Variants in TRANK1 observed in about 807,000 individuals in gnomAD.
TRANK1 encodes the protein TPR and ankyrin repeat-containing protein 1.
In TRANK1, 198 loss-of-function variants were observed where a neutral mutation model predicts 266.0. The observed-to-expected ratio is 0.74, with a 90% CI of 0.66 to 0.84. The LOEUF is 0.84. Among genes scored for constraint, TRANK1 ranks in the 40% least tolerant of loss-of-function variants. The pLI, the probability that TRANK1 is intolerant of heterozygous loss-of-function variation, is 0.00. For synonymous variants in TRANK1, 1,396 were observed against 1,384.1 expected (o/e 1.01, Z -0.19); for missense variants, 3,326 against 3,634.6 (o/e 0.92, Z 2.18).
Position 36,944,074 on chromosome 3 carries a change from G to T in TRANK1, c.23+713C>A, listed in dbSNP as rs191971005. On this transcript the variant is annotated intron_variant, in intron 1 of 23. Coordinates refer to ENST00000645898, the MANE Select transcript of TRANK1 (RefSeq NM_001329998.2). ...CCGCGGGACGGAGACAGGGAGTTGGGAGGAAACGCAACGCGCCTCCCAGGC... is the reference window on the plus strand; with the variant it reads ...CCGCGGGACGGAGACAGGGAGTTGGTAGGAAACGCAACGCGCCTCCCAGGC... Among the ~76,000 whole-genome samples, 285 of 152,224 alleles carry T rather than the reference G, an allele frequency of 1.9e-3. 1 individual carries two copies. The highest frequency in any genetic ancestry group is 6.5e-3 in the African/African-American group (268 of 41,530).
intron 1 of TRANK1, among the ~76,000 whole-genome samples, chr3:36,920,776 A>G (rs1157916179): frequency 6.6e-6 from 1 of 152,170 alleles, no homozygotes; most frequent in Non-Finnish European, 1.5e-5. Flanking sequence ...GGGAGCCATC[A>G]ATTTGGGGAG....
At chr3:36,861,570 TGA>T (rs1409253399) in intron 10 of TRANK1, among the ~76,000 whole-genome samples, 1 of 152,164 alleles carries the variant, frequency 6.6e-6, no homozygotes, top group Non-Finnish European at 1.5e-5. Flanking sequence ...AAGGTAACCA[TGA>T]GAGGATGGCT....
rs112296743 is a variant in TRANK1 at position 36,908,151 on chromosome 3, T to C, written c.155+172A>G. ...TCTATGTTTCACTTTCTATTTCCCT[T>C]CTTACACAATCCCTGTTCACTTCTA... On this transcript the variant is annotated intron_variant, in intron 2 of 23. Coordinates refer to ENST00000645898, the MANE Select transcript of TRANK1 (RefSeq NM_001329998.2). Among the ~76,000 whole-genome samples, 1,334 of 152,338 alleles carry C rather than the reference T, an allele frequency of 8.8e-3. 20 individuals carry two copies. The highest frequency in any genetic ancestry group is 0.031 in the African/African-American group (1,286 of 41,580).
chr3:36,842,775 G>A (rs1474252366), intron 17 of TRANK1, 65 bp from the exon 18 acceptor site: 3 of 1,408,130 alleles, frequency 2.1e-6, no homozygotes, highest in Non-Finnish European at 2.0e-6. Flanking sequence ...CTGTTGTTAT[G>A]GGCTGAGTTG....
At chr3:36,900,140 C>T (rs1439576011) in intron 3 of TRANK1, among the ~76,000 whole-genome samples, 1 of 152,122 alleles carries the variant, frequency 6.6e-6, no homozygotes, top group Non-Finnish European at 1.5e-5. Flanking sequence ...ATTATGAAGC[C>T]GGGGTGCAGT....
At chr3:36,830,622 G>C (rs905635200) in intron 22 of TRANK1, among the ~76,000 whole-genome samples, 1 of 152,206 alleles carries the variant, frequency 6.6e-6, no homozygotes, top group Admixed American at 6.5e-5. Flanking sequence ...GAAGAGGCAT[G>C]CAAGTTTCTG....
chr3:36,843,117 C>G (rs574610226), intron 17 of TRANK1, among the ~76,000 whole-genome samples: 9 of 152,308 alleles, frequency 5.9e-5, no homozygotes, highest in African/African-American at 1.9e-4. Flanking sequence ...AAATACATCT[C>G]TGTTGTTTAG....
At chr3:36,890,182 A>C (rs2079668082) in intron 7 of TRANK1, among the ~76,000 whole-genome samples, 1 of 152,230 alleles carries the variant, frequency 6.6e-6, no homozygotes, top group Non-Finnish European at 1.5e-5. Context: ...AGGATGAGTT[A>C]TAGAAAGCTA....
At chr3:36,914,136 T>C (rs529304144) in intron 1 of TRANK1, among the ~76,000 whole-genome samples, 9 of 152,000 alleles carry the variant, frequency 5.9e-5, no homozygotes, top group African/African-American at 1.7e-4. Context: ...GTTTGTTTTG[T>C]TTTTGTTTTT....
intron 1 of TRANK1, among the ~76,000 whole-genome samples, chr3:36,944,551 G>A (rs1211378797): frequency 2.6e-5 from 4 of 152,134 alleles, no homozygotes; most frequent in African/African-American, 9.7e-5. Flanking sequence ...TCCTGTCGCA[G>A]CGCGTGCCCT....
At chr3:36,893,379 C>T (rs1236405289) in intron 5 of TRANK1, among the ~76,000 whole-genome samples, 3 of 152,138 alleles carry the variant, frequency 2.0e-5, no homozygotes, top group South Asian at 2.1e-4. Context: ...AATTATTCCT[C>T]ACATCAGCGT....
Position 36,889,839 on chromosome 3 carries a change from G to T in TRANK1, c.897C>A (p.Tyr299Ter). 2 of 1,536,198 alleles carry T rather than the reference G, an allele frequency of 1.3e-6. No individual in the cohort carries two copies. Among genetic ancestry groups the T allele is most frequent in the Non-Finnish European group, 1.7e-6 (2 of 1,146,518 alleles). The change falls in exon 8 of 24, where the codon TAC becomes TAA. Residue 299 changes from tyrosine (Y) to a stop codon, truncating the protein, a stop_gained. Coordinates refer to ENST00000645898, the MANE Select transcript of TRANK1 (RefSeq NM_001329998.2). LOFTEE classifies it high-confidence loss of function. The part of the protein sequence containing the change: ...LHVVAAHSPG[Y>*]LVKRQTEDVQ... The stretch of plus-strand genomic sequence containing the variant: ...AATGCCACTACTCACGCTTAACGAG[G>T]TATCCTGGGGAGTGGGCAGCGACGA...
In TRANK1 at chr3:36,838,411, C is replaced by A. The variant is rs763539292; in HGVS notation, c.5478G>T (p.Glu1826Asp). The change falls in exon 20 of 24, where the codon GAG (glutamate) becomes GAT (aspartate). Residue 1826 changes from glutamate (E) to aspartate (D), a missense_variant. Physicochemically the swap from Glu to Asp is conservative, Grantham distance 45. Transcript: ENST00000645898. ...CGCACAGCTGGGCAGAGAGCTGGAA[C>A]TCCTTGGCATAGCTCAGACACTTAA... ...LSLKCLSYAK[E>D]FQLSAQLCER... is the part of the protein sequence containing the mutation. 6.2e-7 allele frequency: 1 copy of A among 1,614,074 alleles called. No homozygotes were observed. Among genetic ancestry groups the A allele is most frequent in the Non-Finnish European group, 8.5e-7 (1 of 1,179,908 alleles).
At chr3:36,923,456 A>G (rs112326061) in intron 1 of TRANK1, among the ~76,000 whole-genome samples, 1,933 of 152,080 alleles carry the variant, frequency 0.013, 37 homozygotes, top group African/African-American at 0.044. Flanking sequence ...GGGTTTCACC[A>G]TGTTGCCCAG....
chr3:36,889,790 C>T (rs749041087), intron 8 of TRANK1, 39 bp downstream of exon 8: 17 of 1,500,732 alleles, frequency 1.1e-5, no homozygotes, highest in Non-Finnish European at 8.9e-7. Context: ...CTGACACCAG[C>T]CAGCCACAGC....
Position 36,856,750 on chromosome 3 carries a change from C to T in TRANK1, c.2972G>A (p.Arg991His), listed in dbSNP as rs201862568. Residue 991 changes from arginine (R) to histidine (H), a missense_variant, in exon 13 of 24, where the codon CGT (arginine) becomes CAT (histidine). Transcript: ENST00000645898. ...GTCCTCCACATAGCAGCGAGGTATA[C>T]GCTTTTGAATTTTCATGTTAGCTGA... ...QVSANMKIQK[R>H]IPRCYVEDTE... 66 of 1,613,868 alleles carry T rather than the reference C, an allele frequency of 4.1e-5. No homozygotes were observed. Among genetic ancestry groups the T allele is most frequent in the Admixed American group, 6.7e-5 (4 of 59,994 alleles).
chr3:36,892,805 G>T, intron 6 of TRANK1, 96 bp downstream of exon 6: 1 of 419,202 alleles, frequency 2.4e-6, no homozygotes, highest in Non-Finnish European at 3.4e-6. Context: ...TCCAGCCTGG[G>T]CGAAAGGGCG....
At chr3:36,910,939 G>A (rs954963775) in intron 1 of TRANK1, among the ~76,000 whole-genome samples, 2 of 150,354 alleles carry the variant, frequency 1.3e-5, no homozygotes, top group Admixed American at 1.3e-4. Flanking sequence ...GCATAGTGGT[G>A]AGCACCTGTA....
chr3:36,939,790 G>A (rs2080471723), intron 1 of TRANK1, among the ~76,000 whole-genome samples: 1 of 152,192 alleles, frequency 6.6e-6, no homozygotes, highest in South Asian at 2.1e-4. Context: ...AAATATTTAT[G>A]TGGGAATTAA....
Sources: allele counts gnomAD v4.1 joint callset (sites outside exome capture counted in the v4.1 genomes callset), GRCh38; gene constraint gnomAD v4.1.1; transcripts MANE v1.5; gene names NCBI Gene and HGNC (gene_info 2026-07-23, HGNC 2026-07-21).